The following NCOA3 variants were observed in gnomAD, a reference collection of about 807,000 sequenced individuals.
NCOA3 encodes nuclear receptor coactivator 3.
Under a neutral mutation model 158.8 loss-of-function variants are expected in NCOA3, and 51 were observed. The observed-to-expected ratio is 0.32, with a 90% CI of 0.26 to 0.41. The LOEUF is 0.41. Ranked by LOEUF, NCOA3 falls within the 10% of genes least tolerant of loss-of-function variation. NCOA3 has a pLI of 1.00. For synonymous variants in NCOA3, 537 were observed against 592.4 expected (o/e 0.91, Z 1.36); for missense variants, 1,510 against 1,746.6 (o/e 0.86, Z 2.41).
At position 47,636,214 on chromosome 20, in the gene NCOA3, A is replaced by AGGG; in HGVS notation, c.1830_1832dup (p.Gly611dup). On this transcript the variant is annotated inframe_insertion, in exon 12 of 23. Transcript: ENST00000371998. ...CAGTGTTGAGGGGGCAGAGAATCAA[A>AGGG]GGGGTCCTTTGGAAAGCAAAGGTCA... The AGGG allele has an allele frequency of 1.9e-6, 3 of 1,614,226 alleles. No individual in the cohort carries two copies. Among genetic ancestry groups the AGGG allele is most frequent in the Non-Finnish European group, 2.5e-6 (3 of 1,180,040 alleles).
intron 8 of NCOA3, among the ~76,000 whole-genome samples, chr20:47,629,331 C>CT (rs754326972): frequency 0.01 from 1,436 of 142,886 alleles, 10 homozygotes; most frequent in Non-Finnish European, 0.015. Flanking sequence ...ATGGATGTTA[C>CT]TTTTTTTTTT....
At chr20:47,533,886 A>G (rs2084590789) in intron 1 of NCOA3, among the ~76,000 whole-genome samples, 1 of 152,158 alleles carries the variant, frequency 6.6e-6, no homozygotes, top group African/African-American at 2.4e-5. Context: ...TGGCTATGCC[A>G]CTGTACTCCA....
chr20:47,636,192 T>C lies in NCOA3; in HGVS notation c.1806T>C (p.Ser602=), dbSNP rs2086512517. 1 of 1,613,984 alleles carries C rather than the reference T, an allele frequency of 6.2e-7. No individual in the cohort carries two copies. The highest frequency in any genetic ancestry group is 1.3e-5 in the African/African-American group (1 of 74,890). The part of the protein sequence containing the change: ...HLSDKESKES[S]VEGAENQRGP... Reference sequence around the variant, plus strand: ...GTGACAAAGAAAGTAAGGAGAGCAGTGTTGAGGGGGCAGAGAATCAAAGGG... The same window carrying C: ...GTGACAAAGAAAGTAAGGAGAGCAGCGTTGAGGGGGCAGAGAATCAAAGGG... The change falls in exon 12 of 23, where the codon AGT becomes AGC. Residue 602 remains serine (S), a synonymous_variant. Transcript: ENST00000371998.
intron 1 of NCOA3, among the ~76,000 whole-genome samples, chr20:47,502,316 G>A (rs1302853974): frequency 6.6e-6 from 1 of 152,156 alleles, no homozygotes; most frequent in Non-Finnish European, 1.5e-5. Context: ...AGTTTGCGGG[G>A]GGACTGCAGG....
chr20:47,650,261 T>C (rs79288789), intron 19 of NCOA3, among the ~76,000 whole-genome samples: 13 of 144,424 alleles, frequency 9.0e-5, no homozygotes, highest in African/African-American at 1.3e-4. Context: ...CCAGAAAGCT[T>C]TTTTTTTTTT....
At position 47,600,173 on chromosome 20, in the gene NCOA3, T is replaced by A. The variant is rs569565104; in HGVS notation, c.-20+16912T>A. On this transcript the variant is annotated intron_variant, in intron 2 of 22. Coordinates refer to ENST00000371998, the MANE Select transcript of NCOA3 (RefSeq NM_181659.3). ...TTTATATATTTTATATATATATATT[T>A]TTTTATTTTTATTTTTTTTGAGATG... 2.0e-3 allele frequency among the ~76,000 whole-genome samples: 306 copies of A among 149,680 alleles called. 2 individuals are homozygous for A. Among genetic ancestry groups the A allele is most frequent in the African/African-American group, 7.0e-3 (286 of 40,926 alleles).
At chr20:47,586,564 T>A (rs1463095980) in intron 2 of NCOA3, among the ~76,000 whole-genome samples, 9 of 152,230 alleles carry the variant, frequency 5.9e-5, no homozygotes, top group Non-Finnish European at 1.3e-4. Flanking sequence ...TTTTGTCAGT[T>A]GACCTAAGAA....
chr20:47,511,521 C>CGA (rs1430818778), intron 1 of NCOA3, among the ~76,000 whole-genome samples: 323 of 14,110 alleles, frequency 0.023, 2 homozygotes, highest in East Asian at 0.076. Context: ...GTATCTCTCT[C>CGA]GAGATATATA....
rs1266295663 is a variant in NCOA3, at chr20:47,653,410, A to G, written c.4268A>G (p.Tyr1423Cys). 3 of 1,593,202 alleles carry G rather than the reference A, an allele frequency of 1.9e-6. No homozygotes were observed. The highest frequency in any genetic ancestry group is 1.4e-5 in the African/African-American group (1 of 71,494). The change falls in exon 23 of 23, where the codon TAC (tyrosine) becomes TGC (cysteine). Residue 1423 changes from tyrosine to cysteine, a missense_variant. This residue lies in a region of NCOA3 where 180 missense variants were observed against 199.3 expected (regional missense o/e 0.90). Transcript: ENST00000371998. ...SGMPMGPDQK[Y>C]C ...TTTTTTCCTGGTTGCTGACAGAAAT[A>G]CTGCTGACATCTCTGCACCAGGACC...
chr20:47,609,589 T>C (rs1355039423), intron 2 of NCOA3, among the ~76,000 whole-genome samples: 1 of 152,054 alleles, frequency 6.6e-6, no homozygotes. Context: ...ATTAGCTGGT[T>C]GTGGTGGTGC....
At chr20:47,568,781 G>A (rs2146196877) in intron 1 of NCOA3, among the ~76,000 whole-genome samples, 1 of 151,342 alleles carries the variant, frequency 6.6e-6, no homozygotes, top group South Asian at 2.1e-4. Flanking sequence ...CGGTGACAGA[G>A]CCAGACTCTG....
chr20:47,535,624 C>T (rs2084620259), intron 1 of NCOA3, among the ~76,000 whole-genome samples: 1 of 151,988 alleles, frequency 6.6e-6, no homozygotes, highest in Admixed American at 6.6e-5. Flanking sequence ...TCTCCTGCCT[C>T]AGCCTCCCGA....
At chr20:47,593,838 A>C (rs1052602526) in intron 2 of NCOA3, among the ~76,000 whole-genome samples, 1 of 152,220 alleles carries the variant, frequency 6.6e-6, no homozygotes, top group Non-Finnish European at 1.5e-5. Context: ...GATAATTAGT[A>C]GTATGGGAAA....
At position 47,641,910 on chromosome 20, in the gene NCOA3, A is replaced by T. The variant is rs366442; in HGVS notation, c.3081-303A>T. Among the ~76,000 whole-genome samples the T allele has an allele frequency of 0.068, 10,332 of 151,008 alleles. 452 individuals are homozygous for T. The highest frequency in any genetic ancestry group is 0.098 in the Non-Finnish European group (6,613 of 67,782). On this transcript the variant is annotated intron_variant, in intron 16 of 22. Transcript: ENST00000371998. ...GGAGTATCTTCTCCCATCCTTCCCT[A>T]CCCTCCCCCTGGCCCCCATTTCTGC...
chr20:47,639,241 A>G (rs775315733), intron 14 of NCOA3, 39 bp downstream of exon 14: 1 of 1,521,362 alleles, frequency 6.6e-7, no homozygotes, highest in African/African-American at 1.4e-5. Flanking sequence ...TTATTTTGGG[A>G]AAAGCATATT....
chr20:47,545,127 C>A (rs937093269), intron 1 of NCOA3, among the ~76,000 whole-genome samples: 1 of 140,844 alleles, frequency 7.1e-6, no homozygotes, highest in Admixed American at 7.0e-5. Flanking sequence ...TTTCTTTGAG[C>A]AATGTAGCTT....
Position 47,639,172 on chromosome 20 carries a change from G to A in NCOA3, c.2677G>A (p.Asp893Asn). The change falls in exon 14 of 23, where the codon GAT (aspartate) becomes AAT (asparagine). Residue 893 changes from aspartate (D) to asparagine (N), a missense_variant. Around this residue, in one of 4 missense-constraint regions of NCOA3, gnomAD observed 1,017 missense variants for 1,098.3 expected, o/e 0.93. Coordinates refer to ENST00000371998, the MANE Select transcript of NCOA3 (RefSeq NM_181659.3). Reference protein sequence around the residue: ...PMLGGNPRMMDSQENYGSSMG... With the variant: ...PMLGGNPRMMNSQENYGSSMG... ...GTTGGGTGGGAATCCAAGAATGATG[G>A]ATAGTCAGGAAAATTATGGCTCAAG... 5 of 1,614,016 alleles carry A rather than the reference G, an allele frequency of 3.1e-6. No individual in the cohort carries two copies. The highest frequency in any genetic ancestry group is 4.2e-6 in the Non-Finnish European group (5 of 1,179,934).
chr20:47,548,177 A>G (rs1284187830), intron 1 of NCOA3, among the ~76,000 whole-genome samples: 2 of 151,992 alleles, frequency 1.3e-5, no homozygotes, highest in East Asian at 1.9e-4. Context: ...CACCTGTCAT[A>G]TATATAAGAG....
At chr20:47,516,533 T>C (rs1206883) in intron 1 of NCOA3, among the ~76,000 whole-genome samples, 22,401 of 152,012 alleles carry the variant, frequency 0.15, 2,488 homozygotes, top group African/African-American at 0.3. Flanking sequence ...AGATGGTGGT[T>C]GAAATGAAAA....
Sources: gnomAD v4.1 joint callset for allele counts (sites outside exome capture counted in the v4.1 genomes callset) on GRCh38, gnomAD v4.1.1 for gene constraint, gnomAD v4.1.1 regional missense constraint, MANE v1.5 for transcripts, NCBI Gene and HGNC (gene_info 2026-07-23, HGNC 2026-07-21) for gene names.